Variants in ITPRID1 observed in about 807,000 individuals in gnomAD.
The protein encoded by ITPRID1 is ITPR interacting domain containing 1.
A neutral mutation model predicts 95.4 loss-of-function variants in ITPRID1; 96 were observed. The observed-to-expected ratio is 1.01, with a 90% CI of 0.85 to 1.19. The LOEUF (loss-of-function observed/expected upper bound fraction) is 1.19. ITPRID1 is among the 50% of genes most tolerant of loss of function. The probability of loss-of-function intolerance (pLI) is 0.00; values close to 1 mark genes in which losing one functional copy is unlikely to be tolerated. For synonymous variants in ITPRID1, 510 were observed against 453.6 expected (o/e 1.12, Z -1.58); for missense variants, 1,339 against 1,252.9 (o/e 1.07, Z -1.04).
intron 10 of ITPRID1, among the ~76,000 whole-genome samples, chr7:31,618,669 G>A (rs1325807114): frequency 6.6e-6 from 1 of 152,142 alleles, no homozygotes. Context: ...TTATAGTTGA[G>A]TATTAGGGCT....
Position 31,643,791 on chromosome 7 carries a change from CT to C in ITPRID1, c.2422del (p.Cys808AlafsTer29). On this transcript the variant is annotated frameshift_variant, in exon 12 of 15. Coordinates refer to ENST00000615280, the MANE Select transcript of ITPRID1 (RefSeq NM_001257967.3). LOFTEE classifies it high-confidence loss of function. ...CHAIPAHCCI[C>X]CHHHPHCHGE... ...ATGCTATACCTGCCCACTGCTGCAT[CT>C]GCTGTCATCACCACCCTCACTGCCA... The C allele has an allele frequency of 6.2e-7, 1 of 1,613,998 alleles. No individual in the cohort carries two copies. The highest frequency in any genetic ancestry group is 8.5e-7 in the Non-Finnish European group (1 of 1,179,890).
At chr7:31,612,401 ATTTC>A (rs1368851059) in intron 10 of ITPRID1, among the ~76,000 whole-genome samples, 2 of 151,378 alleles carry the variant, frequency 1.3e-5, no homozygotes, top group Admixed American at 6.6e-5. Context: ...ATTCTTTCTC[ATTTC>A]TTTGTGTGTC....
intron 12 of ITPRID1, among the ~76,000 whole-genome samples, chr7:31,648,532 G>T (rs1790680661): frequency 6.6e-6 from 1 of 152,094 alleles, no homozygotes; most frequent in South Asian, 2.1e-4. Context: ...ACCATTCTCA[G>T]AGAGCAAACA....
intron 1 of ITPRID1, 96 bp from the exon 2 acceptor site, chr7:31,549,330 C>A: frequency 2.4e-6 from 2 of 826,248 alleles, no homozygotes; most frequent in Non-Finnish European, 3.4e-6. Flanking sequence ...TAAGTAATTT[C>A]AAGACAACAC....
intron 7 of ITPRID1, among the ~76,000 whole-genome samples, chr7:31,574,167 G>T (rs1035828630): frequency 5.7e-5 from 5 of 88,494 alleles, no homozygotes; most frequent in African/African-American, 2.3e-4. Flanking sequence ...AGTTTTGTGG[G>T]ATTTTTTTTT....
At chr7:31,559,031 T>A (rs1452589899) in intron 5 of ITPRID1, among the ~76,000 whole-genome samples, 1 of 152,120 alleles carries the variant, frequency 6.6e-6, no homozygotes, top group Non-Finnish European at 1.5e-5. Flanking sequence ...ATAACTAAAA[T>A]TTGCCTCAAT....
chr7:31,644,834 A>G (rs1790326561), intron 12 of ITPRID1, among the ~76,000 whole-genome samples: 1 of 152,230 alleles, frequency 6.6e-6, no homozygotes, highest in African/African-American at 2.4e-5. Flanking sequence ...CACAGAGAAT[A>G]TAGGTTGCAG....
At chr7:31,545,637 T>A (rs1335842324) in intron 1 of ITPRID1, among the ~76,000 whole-genome samples, 1 of 152,114 alleles carries the variant, frequency 6.6e-6, no homozygotes. Flanking sequence ...CCAGGAAGAC[T>A]GATTTTGGGT....
intron 10 of ITPRID1, among the ~76,000 whole-genome samples, chr7:31,635,506 TC>T (rs1244801629): frequency 1.3e-5 from 2 of 152,238 alleles, no homozygotes; most frequent in Non-Finnish European, 2.9e-5. Flanking sequence ...TGCTTGAGTT[TC>T]AAACATTGGT....
intron 1 of ITPRID1, chr7:31,517,434 G>C (rs1438700453): frequency 6.6e-6 from 1 of 152,284 alleles, no homozygotes; most frequent in African/African-American, 2.4e-5. Flanking sequence ...CACCTAGCCT[G>C]GGCATTCCCA....
chr7:31,619,495 G>A (rs1018284966), intron 10 of ITPRID1, among the ~76,000 whole-genome samples: 1 of 152,088 alleles, frequency 6.6e-6, no homozygotes, highest in African/African-American at 2.4e-5. Flanking sequence ...CTGTATCATA[G>A]CATTTTGATA....
rs547921573 is a variant in ITPRID1, at chr7:31,569,670, A to G, written c.257-88A>G. The G allele has an allele frequency of 1.9e-4, 217 of 1,144,908 alleles. No individual in the cohort carries two copies. In the African/African-American group the frequency reaches 3.0e-3, roughly 16 times the overall value. 70.9% of individuals were successfully genotyped at this position (1,144,908 alleles called of 1,614,324 possible). ...ATATAACCTTGGATATGGAAATTCA[A>G]TTCTACCTTGGTTTCATTTGGGGTT... On this transcript the variant is annotated intron_variant, in intron 5 of 14. Coordinates refer to ENST00000615280, the MANE Select transcript of ITPRID1 (RefSeq NM_001257967.3).
At chr7:31,563,670 C>T (rs1362677095) in intron 5 of ITPRID1, among the ~76,000 whole-genome samples, 1 of 152,032 alleles carries the variant, frequency 6.6e-6, no homozygotes, top group Non-Finnish European at 1.5e-5. Flanking sequence ...ATGACAGATG[C>T]AGTGTTTATC....
chr7:31,561,930 TC>T (rs1467485260), intron 5 of ITPRID1, among the ~76,000 whole-genome samples: 7 of 151,172 alleles, frequency 4.6e-5, no homozygotes, highest in Non-Finnish European at 1.0e-4. Context: ...ACATTCAGAG[TC>T]TTTTTGAGGT....
chr7:31,648,111 T>G (rs1790646661), intron 12 of ITPRID1, among the ~76,000 whole-genome samples: 1 of 152,146 alleles, frequency 6.6e-6, no homozygotes, highest in South Asian at 2.1e-4. Context: ...TTTCTGAATA[T>G]TAGAAGTGCT....
Position 31,553,046 on chromosome 7 carries a change from G to A in ITPRID1, c.22G>A (p.Gly8Arg). Reference protein sequence around the residue: MMAQKSQGSDNLQEGQEK... With the variant: MMAQKSQRSDNLQEGQEK... Reference sequence around the variant, plus strand: ...TCCTATGATGGCACAGAAATCACAAGGATCTGACAACCTTCAGGAAGGCCA... The same window carrying A: ...TCCTATGATGGCACAGAAATCACAAAGATCTGACAACCTTCAGGAAGGCCA... Residue 8 changes from glycine to arginine, a missense_variant, in exon 3 of 15, where the codon GGA becomes AGA. Physicochemically the swap from Gly to Arg is moderately radical, Grantham distance 125 (BLOSUM62 -2). Coordinates refer to ENST00000615280, the MANE Select transcript of ITPRID1 (RefSeq NM_001257967.3). 3.1e-6 allele frequency: 5 copies of A among 1,609,990 alleles called. No individual in the cohort carries two copies. The highest frequency in any genetic ancestry group is 4.2e-6 in the Non-Finnish European group (5 of 1,178,050).
At chr7:31,639,696 C>G (rs2128206509) in intron 10 of ITPRID1, among the ~76,000 whole-genome samples, 1 of 151,856 alleles carries the variant, frequency 6.6e-6, no homozygotes, top group African/African-American at 2.4e-5. Context: ...GCCACCATGC[C>G]CGGCTAATTT....
chr7:31,525,808 A>G (rs953843530), intron 1 of ITPRID1, among the ~76,000 whole-genome samples: 1 of 152,176 alleles, frequency 6.6e-6, no homozygotes, highest in African/African-American at 2.4e-5. Flanking sequence ...TAACAGCTAG[A>G]TTTATCATAT....
At chr7:31,547,978 G>C (rs1419831265) in intron 1 of ITPRID1, among the ~76,000 whole-genome samples, 3 of 152,070 alleles carry the variant, frequency 2.0e-5, no homozygotes, top group Non-Finnish European at 4.4e-5. Flanking sequence ...GAGTTGGAGA[G>C]GGATTCAAGG....
Sources: allele counts gnomAD v4.1 joint callset (sites outside exome capture counted in the v4.1 genomes callset), GRCh38; gene constraint gnomAD v4.1.1; transcripts MANE v1.5; gene names NCBI Gene and HGNC (gene_info 2026-07-23, HGNC 2026-07-21).